TMIGD3: variants seen among roughly 807,000 people sequenced by gnomAD.
The protein encoded by TMIGD3 is AD026 protein (AD026).
A neutral mutation model predicts 28.1 loss-of-function variants in TMIGD3; 21 were observed. The observed-to-expected ratio is 0.75, with a 90% confidence interval of 0.53 to 1.08. The LOEUF is 1.08. Among genes scored for constraint, TMIGD3 ranks in the 50% least tolerant of loss-of-function variants. TMIGD3 has a pLI of 0.00. For missense variants in TMIGD3, 416 were observed against 435.6 expected, an observed-to-expected ratio of 0.96 and a Z score of 0.40; for synonymous variants, 151 against 162.1, an observed-to-expected ratio of 0.93 and a Z score of 0.52.
At chr1:111,541,950 A>G (rs1398238206) in intron 1 of TMIGD3, among the ~76,000 whole-genome samples, 2 of 152,194 alleles carry the variant, frequency 1.3e-5, no homozygotes, top group African/African-American at 4.8e-5. Context: ...TTCAAAAGAA[A>G]CAACTGGAGA....
intron 1 of TMIGD3, among the ~76,000 whole-genome samples, chr1:111,494,057 G>A (rs140589547): frequency 6.6e-6 from 1 of 152,314 alleles, no homozygotes; most frequent in Non-Finnish European, 1.5e-5. Flanking sequence ...ATCCTGACCT[G>A]CAACCTGCAG....
intron 5 of TMIGD3, among the ~76,000 whole-genome samples, chr1:111,484,547 A>C (rs1654267971): frequency 6.6e-6 from 1 of 152,208 alleles, no homozygotes; most frequent in African/African-American, 2.4e-5. Context: ...ACAGTTCCCA[A>C]GGCTGCTAGA....
At chr1:111,524,325 G>A (rs376299694) in intron 1 of TMIGD3, among the ~76,000 whole-genome samples, 25 of 151,872 alleles carry the variant, frequency 1.6e-4, no homozygotes, top group African/African-American at 4.6e-4. Context: ...CATCGCGCCC[G>A]GCCTTCTTTT....
chr1:111,555,224 A>G lies in TMIGD3; in HGVS notation c.107+8622T>C, dbSNP rs959497827. The stretch of plus-strand genomic sequence containing the variant: ...CTACTAAAAACACAAAAACTAGCTG[A>G]GTGTGGTGGTGCATTCCTGTAGTCT... On this transcript the variant is annotated intron_variant, in intron 1 of 5. Coordinates refer to the TMIGD3 transcript ENST00000369717. Among the ~76,000 whole-genome samples, 9 of 151,688 alleles carry G rather than the reference A, an allele frequency of 5.9e-5. 1 individual carries two copies. The highest frequency in any genetic ancestry group is 2.2e-4 in the African/African-American group (9 of 41,268).
At chr1:111,511,132 T>C (rs762362522) in intron 1 of TMIGD3, among the ~76,000 whole-genome samples, 6 of 152,352 alleles carry the variant, frequency 3.9e-5, no homozygotes, top group Middle Eastern at 3.4e-3. Context: ...GGCTTCTTCC[T>C]CTACACGCCC....
chr1:111,488,976 G>A lies in TMIGD3; in HGVS notation c.506C>T (p.Thr169Met), dbSNP rs376471415. 3.3e-5 allele frequency: 53 copies of A among 1,614,018 alleles called. No homozygotes were observed. Among genetic ancestry groups the A allele is most frequent in the African/African-American group, 1.6e-4 (12 of 74,912 alleles). ...ATTGTAGTTGCAGATGGCAGAAGCC[G>A]TGTCCAGCACAAAGCTTCTCTTGAC... ...EKVKRSFVLD[T>M]ASAICNYNAH... The change falls in exon 3 of 6, where the codon ACG becomes ATG. Residue 169 changes from threonine (T) to methionine (M), a missense_variant. Thr to Met is a moderately conservative substitution (Grantham distance 81, BLOSUM62 -1). Transcript: ENST00000369716.
chr1:111,499,470 A>T (rs1465647057), intron 1 of TMIGD3: 1 of 992,640 alleles, frequency 1.0e-6, no homozygotes, highest in Non-Finnish European at 1.2e-6. Context: ...TCCACAGGTG[A>T]ATTCAGCAGT....
intron 1 of TMIGD3, among the ~76,000 whole-genome samples, chr1:111,509,908 G>C (rs1277366272): frequency 1.3e-5 from 2 of 152,236 alleles, no homozygotes; most frequent in Non-Finnish European, 2.9e-5. Flanking sequence ...CTCACTCTGG[G>C]CAGCACAGCA....
chr1:111,506,913 T>TTATATATATATATATATTA (rs3084253), upstream of TMIGD3, among the ~76,000 whole-genome samples: 4 of 121,908 alleles, frequency 3.3e-5, no homozygotes. Flanking sequence ...TATATATATA[T>TTATATATATATATATATTA]TATATATATA....
intron 1 of TMIGD3, among the ~76,000 whole-genome samples, chr1:111,522,032 G>A (rs930753913): frequency 1.3e-5 from 2 of 152,158 alleles, no homozygotes; most frequent in African/African-American, 4.8e-5. Context: ...CCATTCAGTT[G>A]TTTTGGCACC....
At chr1:111,542,297 C>T (rs1349930443) in intron 1 of TMIGD3, 6 of 540,614 alleles carry the variant, frequency 1.1e-5, no homozygotes, top group Admixed American at 2.0e-5. Context: ...TTCGAACACA[C>T]GCGACAAGAG....
At position 111,531,263 on chromosome 1, in the gene TMIGD3, G is replaced by C. The variant is rs140691991; in HGVS notation, c.107+32583C>G. ...ACTGAATTCCAGCCTGGGTGACAGAGCAACACCTGTCTCCAGAAAAGAAAA... is the reference window on the plus strand; with the variant it reads ...ACTGAATTCCAGCCTGGGTGACAGACCAACACCTGTCTCCAGAAAAGAAAA... On this transcript the variant is annotated intron_variant, in intron 1 of 5. Coordinates refer to the TMIGD3 transcript ENST00000369717. 6.2e-3 allele frequency among the ~76,000 whole-genome samples: 937 copies of C among 150,894 alleles called. 10 individuals are homozygous for C. Among genetic ancestry groups the C allele is most frequent in the African/African-American group, 0.022 (899 of 41,028 alleles).
At chr1:111,483,796 C>T in intron 5 of TMIGD3, 39 bp from the exon 6 acceptor site, 1 of 1,524,878 alleles carries the variant, frequency 6.6e-7, no homozygotes, top group Non-Finnish European at 9.1e-7. Flanking sequence ...GAGTTGAGAT[C>T]TATTGCCTAC....
intron 1 of TMIGD3, among the ~76,000 whole-genome samples, chr1:111,529,920 G>A (rs868419317): frequency 8.6e-4 from 127 of 147,112 alleles, no homozygotes; most frequent in African/African-American, 3.2e-3. Flanking sequence ...CGGGCAGAGG[G>A]GCTCCTCACT....
rs1481062228 is a variant in TMIGD3 at position 111,559,317 on chromosome 1, A to G, written c.107+4529T>C. On this transcript the variant is annotated intron_variant, in intron 1 of 5. Transcript: ENST00000369717. Reference sequence around the variant, plus strand: ...CAGATTCAAAGAATTGGAAGGAAGGAATTTATTCATGCATTAAACTAATGT... The same window carrying G: ...CAGATTCAAAGAATTGGAAGGAAGGGATTTATTCATGCATTAAACTAATGT... 2.0e-5 allele frequency among the ~76,000 whole-genome samples: 3 copies of G among 152,276 alleles called. No individual in the cohort carries two copies. In the East Asian group the frequency reaches 5.8e-4, roughly 29 times the overall value.
chr1:111,525,129 G>T (rs577906748), intron 1 of TMIGD3, among the ~76,000 whole-genome samples: 15 of 152,262 alleles, frequency 9.9e-5, no homozygotes, highest in African/African-American at 3.6e-4. Flanking sequence ...ACTTGAAAAA[G>T]ATATGTATTC....
intron 1 of TMIGD3, among the ~76,000 whole-genome samples, chr1:111,525,689 C>A (rs1237273046): frequency 1.3e-5 from 2 of 152,110 alleles, no homozygotes; most frequent in South Asian, 2.1e-4. Flanking sequence ...ATAGTGAAAC[C>A]CTGTCTCTAC....
In TMIGD3 at chr1:111,492,385, C is replaced by A. The variant is rs376979506; in HGVS notation, c.351-1623G>T. ...ATATTGTTGTTATATTTTTAAGAGG[C>A]AGTCCTTATCTCTGACAATACTTCA... is the stretch of plus-strand genomic sequence containing the variant. On this transcript the variant is annotated intron_variant, in intron 1 of 5. Transcript: ENST00000369716. Among the ~76,000 whole-genome samples, 6 of 152,322 alleles carry A rather than the reference C, an allele frequency of 3.9e-5. No homozygotes were observed. The East Asian group carries it at 7.7e-4, about 20-fold the overall frequency.
intron 1 of TMIGD3, among the ~76,000 whole-genome samples, chr1:111,502,192 TATTATAATAAATATATAG>T: frequency 4.5e-5 from 1 of 22,112 alleles, no homozygotes; most frequent in Non-Finnish European, 1.0e-4. Context: ...AGGATATATA[TATTATAATAAATATATAG>T]GATATATATT....
Sources: gnomAD v4.1 joint callset for allele counts (sites outside exome capture counted in the v4.1 genomes callset) on GRCh38, gnomAD v4.1.1 for gene constraint, MANE v1.5 for transcripts, NCBI Gene and HGNC (gene_info 2026-07-23, HGNC 2026-07-21) for gene names.